Variants in HAPLN1 observed in about 807,000 individuals in gnomAD.
The protein encoded by HAPLN1 is Cartilage link protein.
HAPLN1 carries 13 observed loss-of-function variants against 36.5 expected under a neutral mutation model. The observed-to-expected ratio is 0.36, with a 90% CI of 0.23 to 0.57. The LOEUF is 0.57. HAPLN1 is among the 20% of genes least tolerant of loss of function. The pLI is 0.83. For missense variants in HAPLN1, 407 were observed against 439.7 expected, an observed-to-expected ratio of 0.93 and a Z score of 0.66; for synonymous variants, 202 against 169.8, an observed-to-expected ratio of 1.19 and a Z score of -1.48.
intron 1 of HAPLN1, among the ~76,000 whole-genome samples, chr5:83,709,197 A>C (rs1434961259): frequency 2.6e-5 from 4 of 152,218 alleles, no homozygotes. Context: ...ACTCACAGAG[A>C]TATCTGGAAT....
intron 1 of HAPLN1, among the ~76,000 whole-genome samples, chr5:83,680,162 C>T (rs919996160): frequency 1.3e-5 from 2 of 152,122 alleles, no homozygotes; most frequent in African/African-American, 4.8e-5. Flanking sequence ...CTCACTGGCC[C>T]CTTAGAACCT....
chr5:83,657,727 T>C (rs1750260990), intron 2 of HAPLN1, among the ~76,000 whole-genome samples: 1 of 152,060 alleles, frequency 6.6e-6, no homozygotes, highest in Admixed American at 6.6e-5. Flanking sequence ...CTAGCCAGGC[T>C]TGATGTTGGT....
chr5:83,709,860 G>T (rs1047342581), intron 1 of HAPLN1, among the ~76,000 whole-genome samples: 3 of 152,186 alleles, frequency 2.0e-5, no homozygotes, highest in African/African-American at 7.2e-5. Flanking sequence ...GGTGAGGTTT[G>T]CAGGAATTCA....
chr5:83,641,546 C>A lies in HAPLN1; in HGVS notation c.1015G>T (p.Asp339Tyr). Residue 339 changes from aspartate (D) to tyrosine (Y), a missense_variant, in exon 5 of 5, where the codon GAT (aspartate) becomes TAT (tyrosine). Transcript: ENST00000274341. ...EAAVRFVGFP[D>Y]KKHKLYGVYC... ...ACACCATACAGCTTATGCTTTTTAT[C>A]TGGGAAACCCACGAAGCGCACTGCA... The A allele has an allele frequency of 6.2e-7, 1 of 1,613,932 alleles. No homozygotes were observed.
intron 2 of HAPLN1, among the ~76,000 whole-genome samples, chr5:83,658,293 C>T (rs1750278502): frequency 6.6e-6 from 1 of 152,104 alleles, no homozygotes; most frequent in South Asian, 2.1e-4. Context: ...CTGTGCTTAC[C>T]ATGGTCTATT....
At chr5:83,658,427 A>G (rs1223703632) in intron 2 of HAPLN1, among the ~76,000 whole-genome samples, 2 of 152,182 alleles carry the variant, frequency 1.3e-5, no homozygotes, top group African/African-American at 2.4e-5. Flanking sequence ...TATGGCAGTA[A>G]ACATGGATAT....
intron 1 of HAPLN1, among the ~76,000 whole-genome samples, chr5:83,684,897 T>G (rs763370932): frequency 1.6e-4 from 25 of 152,174 alleles, no homozygotes; most frequent in Admixed American, 6.5e-5. Context: ...CAATCTGACA[T>G]GCATACTCTG....
chr5:83,703,766 A>G (rs1425922660), intron 1 of HAPLN1, among the ~76,000 whole-genome samples: 2 of 152,150 alleles, frequency 1.3e-5, no homozygotes, highest in Admixed American at 6.5e-5. Context: ...CAACTTGGAA[A>G]GCAGATTTCA....
In HAPLN1 at chr5:83,652,907, A is replaced by G. The variant is rs1750113236; in HGVS notation, c.101-83T>C. 4.7e-6 allele frequency: 6 copies of G among 1,270,824 alleles called. No individual in the cohort carries two copies. The East Asian group carries it at 1.0e-4, about 22-fold the overall frequency. 78.7% of individuals were successfully genotyped at this position (1,270,824 alleles called of 1,614,324 possible). A position where few individuals can be genotyped will look rare whatever the true frequency, so the allele number is the denominator to read the frequency against. On this transcript the variant is annotated intron_variant, in intron 2 of 4. Transcript: ENST00000274341. The stretch of plus-strand genomic sequence containing the variant: ...TCATAAAATGAAATATATCACATAT[A>G]TAGGATATCTGACAAAGGATAGCTT...
intron 1 of HAPLN1, among the ~76,000 whole-genome samples, chr5:83,679,093 A>T (rs1470117877): frequency 6.6e-6 from 1 of 152,240 alleles, no homozygotes; most frequent in East Asian, 1.9e-4. Context: ...CATATATTTC[A>T]GTTTAATATT....
intron 1 of HAPLN1, among the ~76,000 whole-genome samples, chr5:83,691,661 C>A (rs1302328983): frequency 6.6e-6 from 1 of 151,810 alleles, no homozygotes; most frequent in Admixed American, 6.6e-5. Flanking sequence ...AAGTAGTATC[C>A]AGCCTTAATT....
chr5:83,712,575 A>G (rs1034309968), intron 1 of HAPLN1, among the ~76,000 whole-genome samples: 1 of 151,992 alleles, frequency 6.6e-6, no homozygotes, highest in Non-Finnish European at 1.5e-5. Flanking sequence ...TTTTTAATAT[A>G]TTTATCTCGC....
At chr5:83,651,354 C>T (rs1336784586) in intron 3 of HAPLN1, among the ~76,000 whole-genome samples, 1 of 152,110 alleles carries the variant, frequency 6.6e-6, no homozygotes, top group East Asian at 1.9e-4. Context: ...CTACTGTCTT[C>T]TCTAAGTCAA....
intron 1 of HAPLN1, among the ~76,000 whole-genome samples, chr5:83,703,823 T>C (rs776705663): frequency 6.6e-6 from 1 of 152,058 alleles, no homozygotes; most frequent in Admixed American, 6.5e-5. Flanking sequence ...TTTCCTGAAC[T>C]TGTCTGTTGG....
At chr5:83,652,927 T>C in intron 2 of HAPLN1, 103 bp from the exon 3 acceptor site, 1 of 1,130,692 alleles carries the variant, frequency 8.8e-7, no homozygotes, top group South Asian at 1.8e-5. Flanking sequence ...TGACAAAGGA[T>C]AGCTTTGAGT....
Position 83,663,054 on chromosome 5 carries a change from C to T in HAPLN1, c.101-10230G>A, listed in dbSNP as rs1343728069. Among the ~76,000 whole-genome samples the T allele has an allele frequency of 3.9e-5, 6 of 152,088 alleles. No individual in the cohort carries two copies. The South Asian group carries it at 6.2e-4, about 16-fold the overall frequency. Reference sequence around the variant, plus strand: ...AAAAGGCAAGTCAAACACAAATGCCCAGGTGGGCAAGGCTGAGGGGAGTGA... The same window carrying T: ...AAAAGGCAAGTCAAACACAAATGCCTAGGTGGGCAAGGCTGAGGGGAGTGA... On this transcript the variant is annotated intron_variant, in intron 2 of 4. Transcript: ENST00000274341.
intron 1 of HAPLN1, among the ~76,000 whole-genome samples, chr5:83,693,778 A>C (rs968520421): frequency 2.1e-4 from 32 of 152,028 alleles, no homozygotes; most frequent in African/African-American, 7.5e-4. Flanking sequence ...TCAGGAGAAC[A>C]TTACAACATT....
In HAPLN1 at chr5:83,641,784, G is replaced by T; in HGVS notation, c.777C>A (p.Gly259=). The change falls in exon 5 of 5, where the codon GGC becomes GGA. Residue 259 remains glycine, a splice_region_variant and synonymous_variant. Coordinates refer to ENST00000274341, the MANE Select transcript of HAPLN1 (RefSeq NM_001884.4). ...DVFCFTSNFN[G]RFYYLIHPTK... ...TGGGGTGGATCAGATAGTAAAAACGGCCTGTAGAGAAAAGGAGACAGAGTC... is the reference window on the plus strand; with the variant it reads ...TGGGGTGGATCAGATAGTAAAAACGTCCTGTAGAGAAAAGGAGACAGAGTC... The T allele has an allele frequency of 6.2e-7, 1 of 1,612,518 alleles. No individual in the cohort carries two copies. The highest frequency in any genetic ancestry group is 8.5e-7 in the Non-Finnish European group (1 of 1,178,834).
At chr5:83,685,330 C>T (rs956769616) in intron 1 of HAPLN1, among the ~76,000 whole-genome samples, 6 of 152,188 alleles carry the variant, frequency 3.9e-5, no homozygotes, top group Admixed American at 1.3e-4. Flanking sequence ...TTGCACTGCA[C>T]ACTGCAGGAT....
Sources: gnomAD v4.1 joint callset for allele counts (sites outside exome capture counted in the v4.1 genomes callset) on GRCh38, gnomAD v4.1.1 for gene constraint, MANE v1.5 for transcripts, NCBI Gene and HGNC (gene_info 2026-07-23, HGNC 2026-07-21) for gene names.